The following LHFPL2 variants were observed in gnomAD, a reference collection of about 807,000 sequenced individuals.
The protein encoded by LHFPL2 is LHFPL tetraspan subfamily member 2.
In LHFPL2, 7 loss-of-function variants were observed where a neutral mutation model predicts 17.5. That is an observed-to-expected ratio of 0.40 (90% CI 0.23 to 0.75). The LOEUF is 0.75. LHFPL2 is among the 30% of genes least tolerant of loss of function. The pLI is 0.37. For missense variants in LHFPL2, 241 were observed against 294.8 expected, an observed-to-expected ratio of 0.82 and a Z score of 1.34; for synonymous variants, 134 against 116.2, an observed-to-expected ratio of 1.15 and a Z score of -0.99.
chr5:78,624,861 T>A (rs1317499294), intron 2 of LHFPL2: 2 of 151,670 alleles, frequency 1.3e-5, no homozygotes, highest in Non-Finnish European at 2.9e-5. Flanking sequence ...TGGAGTACAG[T>A]GGCGCAATCT....
intron 2 of LHFPL2, among the ~76,000 whole-genome samples, chr5:78,571,291 G>T (rs973888776): frequency 6.6e-6 from 1 of 152,068 alleles, no homozygotes; most frequent in African/African-American, 2.4e-5. Context: ...GAGGCCCAGG[G>T]CATCTGCCTC....
At chr5:78,543,942 A>G (rs1756190029) in intron 3 of LHFPL2, among the ~76,000 whole-genome samples, 1 of 152,224 alleles carries the variant, frequency 6.6e-6, no homozygotes, top group African/African-American at 2.4e-5. Flanking sequence ...TGGAGATAGC[A>G]GAGACTCAGA....
chr5:78,528,399 T>C (rs774659665), intron 3 of LHFPL2, among the ~76,000 whole-genome samples: 5 of 152,194 alleles, frequency 3.3e-5, no homozygotes, highest in Non-Finnish European at 5.9e-5. Context: ...ACAAACCCTA[T>C]TGTGAACTGT....
At chr5:78,619,768 T>C (rs1184807814) in intron 2 of LHFPL2, among the ~76,000 whole-genome samples, 1 of 136,148 alleles carries the variant, frequency 7.3e-6, no homozygotes, top group Non-Finnish European at 1.6e-5. Context: ...TGGTTTTTTG[T>C]CCTTGCAATA....
chr5:78,559,558 G>A (rs1183327841), intron 3 of LHFPL2, among the ~76,000 whole-genome samples: 1 of 152,154 alleles, frequency 6.6e-6, no homozygotes, highest in Non-Finnish European at 1.5e-5. Flanking sequence ...ATTAGAAAAT[G>A]ACAAAAAGAA....
At chr5:78,574,089 G>A (rs1249375639) in intron 2 of LHFPL2, among the ~76,000 whole-genome samples, 1 of 152,188 alleles carries the variant, frequency 6.6e-6, no homozygotes, top group African/African-American at 2.4e-5. Flanking sequence ...TCCCAAAGAG[G>A]AGGAGAGTAC....
chr5:78,504,218 A>C (rs562246517), intron 4 of LHFPL2, among the ~76,000 whole-genome samples: 1 of 152,306 alleles, frequency 6.6e-6, no homozygotes, highest in South Asian at 2.1e-4. Flanking sequence ...ACCAGGAACA[A>C]AAGGAAGGGC....
intron 2 of LHFPL2, among the ~76,000 whole-genome samples, chr5:78,613,016 G>T (rs1159605435): frequency 6.6e-6 from 1 of 152,212 alleles, no homozygotes; most frequent in Non-Finnish European, 1.5e-5. Context: ...GCACCAAGAA[G>T]ATGGGTGGTT....
At chr5:78,583,801 C>T (rs1743247944) in intron 2 of LHFPL2, among the ~76,000 whole-genome samples, 1 of 149,370 alleles carries the variant, frequency 6.7e-6, no homozygotes, top group Non-Finnish European at 1.5e-5. Context: ...GTGGCGTTCT[C>T]TGTATTTCCT....
rs1300355900 is a variant in LHFPL2 at position 78,488,330 on chromosome 5, A to ATGAC, written c.*563_*566dup. 1 of 158,848 alleles carries ATGAC rather than the reference A, an allele frequency of 6.3e-6. No homozygotes were observed. Among genetic ancestry groups the ATGAC allele is most frequent in the African/African-American group, 2.4e-5 (1 of 41,494 alleles). 9.8% of individuals were successfully genotyped at this position (158,848 alleles called of 1,614,324 possible). ...TTCAGCCTAGAATAAGTTCCACAGC[A>ATGAC]TGACTCCACGCCATCCCTGCTGACC... On this transcript the variant is annotated 3_prime_UTR_variant, in exon 5 of 5. Coordinates refer to ENST00000380345, the MANE Select transcript of LHFPL2 (RefSeq NM_005779.3).
chr5:78,606,561 G>T (rs1693855648), intron 2 of LHFPL2, among the ~76,000 whole-genome samples: 1 of 152,200 alleles, frequency 6.6e-6, no homozygotes, highest in Non-Finnish European at 1.5e-5. Flanking sequence ...TGATCAGACA[G>T]TCTCTGGGGA....
At chr5:78,550,785 G>A (rs1366431306) in intron 3 of LHFPL2, among the ~76,000 whole-genome samples, 1 of 152,100 alleles carries the variant, frequency 6.6e-6, no homozygotes, top group Non-Finnish European at 1.5e-5. Context: ...TGGCCAGGCT[G>A]GTCTGGAACT....
At chr5:78,628,204 A>C (rs1745118820) in intron 2 of LHFPL2, among the ~76,000 whole-genome samples, 1 of 152,198 alleles carries the variant, frequency 6.6e-6, no homozygotes, top group Non-Finnish European at 1.5e-5. Flanking sequence ...AGACCTCAAA[A>C]GGGCTAATGA....
At chr5:78,579,734 G>A (rs201088214) in intron 2 of LHFPL2, among the ~76,000 whole-genome samples, 1 of 152,126 alleles carries the variant, frequency 6.6e-6, no homozygotes, top group African/African-American at 2.4e-5. Flanking sequence ...TCTTAATCCA[G>A]TCTTATCATT....
At chr5:78,515,760 A>AGAGCCTTTCACAGAAAGGCCACTG (rs1252533371) in intron 3 of LHFPL2, among the ~76,000 whole-genome samples, 2 of 152,204 alleles carry the variant, frequency 1.3e-5, no homozygotes, top group African/African-American at 2.4e-5. Flanking sequence ...AGTTCCTAGG[A>AGAGCCTTTCACAGAAAGGCCACTG]GAGCCTTTCA....
Position 78,510,548 on chromosome 5 carries a change from G to T in LHFPL2, c.-185-150C>A, listed in dbSNP as rs115075338. On this transcript the variant is annotated intron_variant, in intron 3 of 4. Transcript: ENST00000380345. ...AGCATGCCAGGCGGTTGTTGCACTG[G>T]CTGCGTTTGTTTCAAGTTCTTCCTG... The T allele has an allele frequency of 2.8e-3, 910 of 329,290 alleles. 10 individuals carry two copies. Among genetic ancestry groups the T allele is most frequent in the African/African-American group, 0.019 (848 of 45,800 alleles). The allele number at this position is 329,290 out of a possible 1,614,324, so 20.4% of individuals were successfully genotyped here. A position where few individuals can be genotyped will look rare whatever the true frequency, so the allele number is the denominator to read the frequency against.
intron 2 of LHFPL2, among the ~76,000 whole-genome samples, chr5:78,610,582 C>G (rs1261583913): frequency 6.6e-6 from 1 of 152,148 alleles, no homozygotes; most frequent in Middle Eastern, 3.2e-3. Flanking sequence ...TTCAAAAACC[C>G]AGGACACCAG....
rs144910228 is a variant in LHFPL2 at position 78,509,636 on chromosome 5, C to G, written c.430+148G>C. On this transcript the variant is annotated intron_variant, in intron 4 of 4. Transcript: ENST00000380345. ...CATGCGAGCAGCACACAAACGTCGCCTAGAACGGAAGGGGCAAAGGAAACC... is the reference window on the plus strand; with the variant it reads ...CATGCGAGCAGCACACAAACGTCGCGTAGAACGGAAGGGGCAAAGGAAACC... 147 of 772,132 alleles carry G rather than the reference C, an allele frequency of 1.9e-4. 1 individual carries two copies. In the African/African-American group the frequency reaches 2.4e-3, roughly 12 times the overall value. 47.8% of individuals were successfully genotyped at this position (772,132 alleles called of 1,614,324 possible).
Position 78,489,128 on chromosome 5 carries a change from T to C in LHFPL2, c.456A>G (p.Ile152Met). Residue 152 changes from isoleucine (I) to methionine (M), a missense_variant, in exon 5 of 5, where the codon ATA becomes ATG. Physicochemically the swap from Ile to Met is conservative, Grantham distance 10. Transcript: ENST00000380345. Reference protein sequence around the residue: ...IAGLFLILGLILYPAGWGCQK... With the variant: ...IAGLFLILGLMLYPAGWGCQK... Reference sequence around the variant, plus strand: ...GGCAACCCCAGCCAGCAGGGTAGAGTATCAAACCGAGGATAAGGAATAGAC... The same window carrying C: ...GGCAACCCCAGCCAGCAGGGTAGAGCATCAAACCGAGGATAAGGAATAGAC... 1 of 1,613,990 alleles carries C rather than the reference T, an allele frequency of 6.2e-7. No individual in the cohort carries two copies. Among genetic ancestry groups the C allele is most frequent in the Non-Finnish European group, 8.5e-7 (1 of 1,180,006 alleles).
Sources: gnomAD v4.1 joint callset for allele counts (sites outside exome capture counted in the v4.1 genomes callset) on GRCh38, gnomAD v4.1.1 for gene constraint, MANE v1.5 for transcripts, NCBI Gene and HGNC (gene_info 2026-07-23, HGNC 2026-07-21) for gene names.